Variants in TAS1R2 observed in about 807,000 individuals in gnomAD.
The protein encoded by TAS1R2 is taste 1 receptor member 2.
In TAS1R2, 47 loss-of-function variants were observed where a neutral mutation model predicts 49.3. The ratio of observed to expected loss-of-function variants is 0.95; its 90% CI spans 0.75 to 1.22. The LOEUF (loss-of-function observed/expected upper bound fraction) is 1.22. TAS1R2 is among the 50% of genes most tolerant of loss of function. The pLI is 0.00. For missense variants in TAS1R2, 1,155 were observed against 1,122.1 expected (o/e 1.03, Z -0.42); for synonymous variants, 479 against 467.9 (o/e 1.02, Z -0.31).
intron 4 of TAS1R2, among the ~76,000 whole-genome samples, chr1:18,844,461 A>G (rs1419059176): frequency 6.6e-6 from 1 of 152,242 alleles, no homozygotes; most frequent in African/African-American, 2.4e-5. Context: ...TAAAAGGTTG[A>G]CTTGTCCCAG....
At chr1:18,845,526 T>G (rs1173433114) in intron 4 of TAS1R2, among the ~76,000 whole-genome samples, 2 of 152,196 alleles carry the variant, frequency 1.3e-5, no homozygotes, top group Non-Finnish European at 2.9e-5. Context: ...GAGATTCTGG[T>G]CCCCAAAGGG....
At chr1:18,842,812 G>T (rs1370973609) in intron 4 of TAS1R2, among the ~76,000 whole-genome samples, 1 of 152,298 alleles carries the variant, frequency 6.6e-6, no homozygotes, top group Non-Finnish European at 1.5e-5. Flanking sequence ...ATGGGGAGTT[G>T]TTCAATGGGA....
rs758729943 is a variant in TAS1R2 at position 18,859,561 on chromosome 1, G to A, written c.100C>T (p.Leu34Phe). Reference sequence around the variant, plus strand: ...TGGAGGGAGAAGAGGCCACCCAGGAGGTAATCCCCAGGCAGGTAGAAGTCC... The same window carrying A: ...TGGAGGGAGAAGAGGCCACCCAGGAAGTAATCCCCAGGCAGGTAGAAGTCC... Residue 34 changes from leucine (L) to phenylalanine (F), a missense_variant, in exon 1 of 6, where the codon CTC (leucine) becomes TTC (phenylalanine). Transcript: ENST00000375371. The A allele has an allele frequency of 1.1e-5, 17 of 1,614,100 alleles. No homozygotes were observed. The African/African-American group carries it at 2.1e-4, about 20-fold the overall frequency.
exon 2 of TAS1R2, chr1:18,857,335 G>C (rs1280797967): frequency 1.2e-6 from 2 of 1,613,294 alleles, no homozygotes; most frequent in Non-Finnish European, 1.7e-6. Context: ...CCTCACCTGT[G>C]GAAGGAGAAA....
chr1:18,851,556 C>T (rs1445150439), intron 3 of TAS1R2, among the ~76,000 whole-genome samples: 1 of 152,080 alleles, frequency 6.6e-6, no homozygotes, highest in Non-Finnish European at 1.5e-5. Context: ...GTCTCGAACT[C>T]CTGACGTCAT....
rs753869539 is a variant in TAS1R2, at chr1:18,854,818, C to A, written c.652G>T (p.Asp218Tyr). The A allele has an allele frequency of 5.0e-6, 8 of 1,606,936 alleles. No individual in the cohort carries two copies. The African/African-American group carries it at 6.7e-5, about 13-fold the overall frequency. Residue 218 changes from aspartate (D) to tyrosine (Y), a missense_variant, in exon 3 of 6, where the codon GAC becomes TAC. By Grantham distance (160) the Asp-to-Tyr change is radical. Coordinates refer to ENST00000375371, the Ensembl canonical transcript of TAS1R2. This position sits in a 1 kb window ranked among gnomAD's most constrained non-coding sequence, Gnocchi z 4.9. Reference sequence around the variant, plus strand: ...CGCTCGCCAAGCAGCTGGCCATTGTCGCGGCCATAGGTGTCGCTGCTCACC... The same window carrying A: ...CGCTCGCCAAGCAGCTGGCCATTGTAGCGGCCATAGGTGTCGCTGCTCACC...
At chr1:18,853,875 C>T (rs35408971) in intron 3 of TAS1R2, among the ~76,000 whole-genome samples, 13,987 of 152,074 alleles carry the variant, frequency 0.092, 682 homozygotes, top group South Asian at 0.19. Flanking sequence ...TGAAGACCCA[C>T]AAAAGCAATT....
chr1:18,848,954 G>A (rs4920558), intron 4 of TAS1R2, among the ~76,000 whole-genome samples: 63,048 of 152,004 alleles, frequency 0.41, 13,375 homozygotes, highest in East Asian at 0.55. Context: ...TGAATCATCC[G>A]GAAACTATCC....
chr1:18,848,077 T>A (rs927003724), intron 4 of TAS1R2, among the ~76,000 whole-genome samples: 2 of 152,188 alleles, frequency 1.3e-5, no homozygotes, highest in African/African-American at 4.8e-5. Flanking sequence ...GTGGGGATTA[T>A]GGGAGCTACA....
intron 1 of TAS1R2, among the ~76,000 whole-genome samples, chr1:18,859,189 T>C (rs1312182231): frequency 6.6e-6 from 1 of 152,176 alleles, no homozygotes; most frequent in Non-Finnish European, 1.5e-5. Flanking sequence ...TGATGGCCTC[T>C]AAGAGCCCTC....
chr1:18,855,119 T>C (rs1297333927), intron 2 of TAS1R2, 133 bp from the exon 3 acceptor site: 9 of 1,093,068 alleles, frequency 8.2e-6, no homozygotes, highest in African/African-American at 1.6e-5. Flanking sequence ...GTTTACACCA[T>C]CGTCAATCAT....
chr1:18,853,022 G>GTC (rs1934061463), intron 3 of TAS1R2, among the ~76,000 whole-genome samples: 2 of 152,232 alleles, frequency 1.3e-5, no homozygotes, highest in South Asian at 4.1e-4. Context: ...AAAGTCAACT[G>GTC]TCTTTCATCA....
chr1:18,853,690 C>T (rs749918543), intron 3 of TAS1R2, among the ~76,000 whole-genome samples: 14 of 152,086 alleles, frequency 9.2e-5, no homozygotes, highest in African/African-American at 1.9e-4. Flanking sequence ...ATAAAGTGTG[C>T]GTCTCTAATG....
exon 6 of TAS1R2, chr1:18,840,035 A>G (rs972319457): frequency 3.1e-6 from 5 of 1,613,200 alleles, no homozygotes; most frequent in Non-Finnish European, 4.2e-6. Flanking sequence ...CAGCATGCCA[A>G]TTACCACAAT....
intron 2 of TAS1R2, among the ~76,000 whole-genome samples, chr1:18,856,981 A>T (rs1267029549): frequency 1.3e-5 from 2 of 152,252 alleles, no homozygotes; most frequent in African/African-American, 4.8e-5. Flanking sequence ...GTGTGCCAGA[A>T]ATTTACACAG....
intron 1 of TAS1R2, among the ~76,000 whole-genome samples, chr1:18,859,096 C>A (rs142359962): frequency 6.6e-6 from 1 of 152,198 alleles, no homozygotes; most frequent in South Asian, 2.1e-4. Context: ...AAATCACATT[C>A]TGCCTCCCAA....
At position 18,853,371 on chromosome 1, in the gene TAS1R2, A is replaced by T. The variant is rs551080236; in HGVS notation, c.1257+842T>A. 3.5e-5 allele frequency among the ~76,000 whole-genome samples: 5 copies of T among 143,892 alleles called. No individual in the cohort carries two copies. In the South Asian group the frequency reaches 1.2e-3, roughly 34 times the overall value. The allele number at this position is 143,892 out of a possible 152,430, so 94.4% of individuals were successfully genotyped here. On this transcript the variant is annotated intron_variant, in intron 3 of 5. Transcript: ENST00000375371. Reference sequence around the variant, plus strand: ...CTGGCACCAGAATTCCTTTTAAAGAATAACTGCAATCTTTTAAAAGAAAAG... The same window carrying T: ...CTGGCACCAGAATTCCTTTTAAAGATTAACTGCAATCTTTTAAAAGAAAAG...
intron 3 of TAS1R2, among the ~76,000 whole-genome samples, chr1:18,850,878 T>C (rs1313066639): frequency 6.6e-6 from 1 of 151,970 alleles, no homozygotes; most frequent in Non-Finnish European, 1.5e-5. Flanking sequence ...AACCCCACAC[T>C]CTCTCCTGAG....
At chr1:18,857,440 T>A (rs763559032) in exon 2 of TAS1R2, 3 of 1,614,078 alleles carry the variant, frequency 1.9e-6, no homozygotes, top group East Asian at 4.5e-5. Flanking sequence ...GTAGTCCTCT[T>A]GGATGGGAAG....
Sources: allele counts gnomAD v4.1 joint callset (sites outside exome capture counted in the v4.1 genomes callset), GRCh38; gene constraint gnomAD v4.1.1; non-coding constraint Gnocchi (gnomAD v3.1); transcripts MANE v1.5; gene names NCBI Gene and HGNC (gene_info 2026-07-23, HGNC 2026-07-21).